The following DUSP22 variants were observed in gnomAD, a reference collection of about 807,000 sequenced individuals.
DUSP22 encodes the protein dual specificity protein phosphatase 22.
DUSP22 carries 24 observed loss-of-function variants against 24.5 expected under a neutral mutation model. The ratio of observed to expected loss-of-function variants is 0.98; its 90% confidence interval spans 0.71 to 1.38. The LOEUF (loss-of-function observed/expected upper bound fraction) is 1.38, where lower values mean the gene tolerates loss of function less well. DUSP22 is among the 40% of genes most tolerant of loss of function. The probability of loss-of-function intolerance (pLI) is 0.00; values close to 1 mark genes in which losing one functional copy is unlikely to be tolerated. For missense variants in DUSP22, 330 were observed against 269.2 expected (o/e 1.23, Z -1.58); for synonymous variants, 160 against 106.4 (o/e 1.50, Z -3.10).
chr6:349,056 A>G lies in DUSP22; in HGVS notation c.*105A>G. ...ATGAGGACAGGAAAGGGAGATAGCC[A>G]GGGCGAGGTGGGGCGAGGGCTCCTT... is the stretch of plus-strand genomic sequence containing the variant. On this transcript the variant is annotated 3_prime_UTR_variant, in exon 7 of 7. Coordinates refer to ENST00000419235, the MANE Select transcript of DUSP22 (RefSeq NM_001286555.3). 6.7e-7 allele frequency: 1 copy of G among 1,494,270 alleles called. No homozygotes were observed. Among genetic ancestry groups the G allele is most frequent in the South Asian group, 1.3e-5 (1 of 74,802 alleles). 92.6% of individuals were successfully genotyped at this position (1,494,270 alleles called of 1,614,324 possible).
intron 2 of DUSP22, among the ~76,000 whole-genome samples, chr6:311,271 G>A (rs1758074598): frequency 1.3e-5 from 2 of 152,306 alleles, no homozygotes; most frequent in Non-Finnish European, 2.9e-5. Context: ...AGGGAGAGGA[G>A]ACTGCTGTTA....
intron 3 of DUSP22, among the ~76,000 whole-genome samples, chr6:315,969 T>C (rs920596965): frequency 1.8e-4 from 27 of 152,394 alleles, no homozygotes; most frequent in African/African-American, 6.5e-4. Flanking sequence ...GAACAGAGCC[T>C]GTGGAAGCCC....
Position 349,409 on chromosome 6 carries a change from C to T in DUSP22, c.*458C>T, listed in dbSNP as rs1250960839. 3 of 1,018,846 alleles carry T rather than the reference C, an allele frequency of 2.9e-6. No homozygotes were observed. The highest frequency in any genetic ancestry group is 3.5e-6 in the Non-Finnish European group (3 of 850,716). The allele number at this position is 1,018,846 out of a possible 1,614,324, so 63.1% of individuals were successfully genotyped here. On this transcript the variant is annotated 3_prime_UTR_variant, in exon 7 of 7. Coordinates refer to ENST00000419235, the MANE Select transcript of DUSP22 (RefSeq NM_001286555.3). ...ATTGCTGCCCGGGTTGGTGTGGCCACCTTTCCCTTTGTCCAAGACTCCACA... is the reference window on the plus strand; with the variant it reads ...ATTGCTGCCCGGGTTGGTGTGGCCATCTTTCCCTTTGTCCAAGACTCCACA...
intron 4 of DUSP22, among the ~76,000 whole-genome samples, chr6:339,577 G>A (rs1338033241): frequency 1.3e-5 from 2 of 152,288 alleles, no homozygotes; most frequent in Non-Finnish European, 2.9e-5. Context: ...GAAGTCCAAG[G>A]GCATTTGATC....
intron 3 of DUSP22, among the ~76,000 whole-genome samples, chr6:324,412 CAGTG>C (rs1758753859): frequency 6.6e-6 from 1 of 152,306 alleles, no homozygotes; most frequent in African/African-American, 2.4e-5. Context: ...GAACCTCAGG[CAGTG>C]AGTGCCGCGG....
At chr6:293,246 G>A (rs1178984533) in intron 1 of DUSP22, among the ~76,000 whole-genome samples, 1 of 152,274 alleles carries the variant, frequency 6.6e-6, no homozygotes, top group Non-Finnish European at 1.5e-5. Flanking sequence ...TTCTTTTGTT[G>A]CCCGCACCTC....
chr6:327,502 G>A (rs1274343026), intron 3 of DUSP22, among the ~76,000 whole-genome samples: 4 of 152,300 alleles, frequency 2.6e-5, no homozygotes, highest in East Asian at 3.8e-4. Flanking sequence ...ATTTGGAACC[G>A]TTTACAGGAG....
chr6:318,902 A>G (rs1415576490), intron 3 of DUSP22, among the ~76,000 whole-genome samples: 14 of 152,308 alleles, frequency 9.2e-5, no homozygotes, highest in African/African-American at 3.4e-4. Flanking sequence ...GTGTGTTCAC[A>G]GGGTTAAGTC....
intron 3 of DUSP22, among the ~76,000 whole-genome samples, chr6:322,290 A>G (rs1360134965): frequency 6.6e-6 from 1 of 152,306 alleles, no homozygotes; most frequent in Admixed American, 6.5e-5. Context: ...ATGCAATGGA[A>G]TTCACAGCCT....
intron 3 of DUSP22, among the ~76,000 whole-genome samples, chr6:318,892 G>A (rs1051285948): frequency 1.3e-5 from 2 of 152,308 alleles, no homozygotes; most frequent in Admixed American, 6.5e-5. Flanking sequence ...GAAGACGTCT[G>A]TGTGTTCACA....
chr6:324,983 C>T (rs573147994), intron 3 of DUSP22, among the ~76,000 whole-genome samples: 17 of 152,416 alleles, frequency 1.1e-4, no homozygotes, highest in South Asian at 6.2e-4. Flanking sequence ...CGCATCCTGC[C>T]GGGAAGGGGA....
At chr6:340,708 T>C (rs1323529450) in intron 4 of DUSP22, among the ~76,000 whole-genome samples, 2 of 152,418 alleles carry the variant, frequency 1.3e-5, no homozygotes, top group African/African-American at 2.4e-5. Flanking sequence ...GCTGCTGTTA[T>C]AGCGTGGTCT....
intron 3 of DUSP22, chr6:319,955 C>T (rs1054547861): frequency 4.6e-5 from 7 of 152,384 alleles, no homozygotes; most frequent in Non-Finnish European, 7.3e-5. Flanking sequence ...GTCTAGTAAT[C>T]GCTCTTTCTT....
At chr6:313,109 GT>G (rs1214322244) in intron 3 of DUSP22, among the ~76,000 whole-genome samples, 3 of 152,258 alleles carry the variant, frequency 2.0e-5, no homozygotes, top group African/African-American at 7.2e-5. Context: ...GTCAACAATA[GT>G]TTGTATTTAA....
intron 3 of DUSP22, among the ~76,000 whole-genome samples, chr6:329,436 C>T (rs1016634684): frequency 6.6e-6 from 1 of 152,306 alleles, no homozygotes; most frequent in Non-Finnish European, 1.5e-5. Flanking sequence ...AACTGTACGC[C>T]TTAAATGGTT....
chr6:311,558 T>C (rs1474941332), intron 2 of DUSP22, among the ~76,000 whole-genome samples: 1 of 152,306 alleles, frequency 6.6e-6, no homozygotes, highest in African/African-American at 2.4e-5. Context: ...CGGGCGCCTG[T>C]AGTCCCAGCT....
intron 3 of DUSP22, among the ~76,000 whole-genome samples, chr6:331,041 C>T (rs1581177606): frequency 3.3e-5 from 5 of 152,428 alleles, no homozygotes. Context: ...AAAATGCCAT[C>T]ATCGCTGCTC....
At chr6:314,022 G>A (rs1391458495) in intron 3 of DUSP22, among the ~76,000 whole-genome samples, 1 of 152,428 alleles carries the variant, frequency 6.6e-6, no homozygotes, top group East Asian at 1.9e-4. Context: ...ATGAGTCAGG[G>A]AAATGATGTG....
intron 3 of DUSP22, among the ~76,000 whole-genome samples, chr6:331,975 C>T (rs1471369126): frequency 6.6e-6 from 1 of 152,310 alleles, no homozygotes; most frequent in African/African-American, 2.4e-5. Context: ...TTGCTGTTTG[C>T]ATGGTGTGGG....
Sources: gnomAD v4.1 joint callset for allele counts (sites outside exome capture counted in the v4.1 genomes callset) on GRCh38, gnomAD v4.1.1 for gene constraint, MANE v1.5 for transcripts, NCBI Gene and HGNC (gene_info 2026-07-23, HGNC 2026-07-21) for gene names.